Variants in KSR2 observed in about 807,000 individuals in gnomAD.
KSR2 encodes kinase suppressor of ras 2.
In KSR2, 25 loss-of-function variants were observed where a neutral mutation model predicts 107.8. The observed-to-expected ratio is 0.23, with a 90% CI of 0.17 to 0.32. KSR2 has a LOEUF of 0.32. Ranked by LOEUF, KSR2 falls within the 10% of genes least tolerant of loss-of-function variation. The probability of loss-of-function intolerance (pLI) is 1.00; values close to 1 mark genes in which losing one functional copy is unlikely to be tolerated. For synonymous variants in KSR2, 480 were observed against 507.0 expected (o/e 0.95, Z 0.71); for missense variants, 887 against 1,268.9 (o/e 0.70, Z 4.57).
At position 117,455,026 on chromosome 12, in the gene KSR2, C is replaced by CAGAGAGAG. The variant is rs776656913; in HGVS notation, c.*12172_*12173insCTCTCTCT. On this transcript the variant is annotated 3_prime_UTR_variant, in exon 20 of 20. Coordinates refer to ENST00000339824, the MANE Select transcript of KSR2 (RefSeq NM_173598.6). ...GCAGAGACAGAGACAGACACAGAGACAGACAGACAGAGAGAGAGAGAGAGA... is the reference window on the plus strand; with the variant it reads ...GCAGAGACAGAGACAGACACAGAGACAGAGAGAGAGACAGACAGAGAGAGAGAGAGAGA... The CAGAGAGAG allele has an allele frequency of 4.4e-5, 5 of 112,582 alleles. No individual in the cohort carries two copies. The highest frequency in any genetic ancestry group is 9.4e-5 in the Non-Finnish European group (5 of 53,170). The allele number at this position is 112,582 out of a possible 1,614,324, so 7.0% of individuals were successfully genotyped here. A position where few individuals can be genotyped will look rare whatever the true frequency, so the allele number is the denominator to read the frequency against.
At chr12:117,607,021 G>A (rs1264979243) in intron 5 of KSR2, among the ~76,000 whole-genome samples, 1 of 152,146 alleles carries the variant, frequency 6.6e-6, no homozygotes, top group African/African-American at 2.4e-5. Flanking sequence ...GGGGAGTTCT[G>A]TAGGTGATGG....
chr12:117,539,711 G>A lies in KSR2; in HGVS notation c.1687+8C>T. 6.3e-7 allele frequency: 1 copy of A among 1,597,018 alleles called. No individual in the cohort carries two copies. ...GCACCCCTCATGTCTCCCCAAGCATGGAGGTACCTGGCAGGTTGAAGTTCT... is the reference window on the plus strand; with the variant it reads ...GCACCCCTCATGTCTCCCCAAGCATAGAGGTACCTGGCAGGTTGAAGTTCT... On this transcript the variant is annotated splice_region_variant and intron_variant, in intron 10 of 19. Transcript: ENST00000339824.
At chr12:117,795,632 TTTTA>T (rs558383043) in intron 3 of KSR2, among the ~76,000 whole-genome samples, 7 of 152,088 alleles carry the variant, frequency 4.6e-5, no homozygotes, top group Admixed American at 4.6e-4. Flanking sequence ...AGCCTGTGGT[TTTTA>T]TTTATTTATT....
chr12:117,723,350 A>G (rs149718860), intron 4 of KSR2, among the ~76,000 whole-genome samples: 128 of 152,288 alleles, frequency 8.4e-4, no homozygotes, highest in Non-Finnish European at 1.5e-3. Flanking sequence ...TTTTTCAACC[A>G]ACCCATCACA....
At chr12:117,667,253 C>T (rs1004488017) in intron 5 of KSR2, among the ~76,000 whole-genome samples, 2 of 152,140 alleles carry the variant, frequency 1.3e-5, no homozygotes, top group East Asian at 1.9e-4. Context: ...ACCTCCCCAG[C>T]GTCAGTTATG....
chr12:117,852,070 T>G (rs1419186468), intron 3 of KSR2, among the ~76,000 whole-genome samples: 3 of 151,322 alleles, frequency 2.0e-5, no homozygotes, highest in African/African-American at 2.4e-5. Context: ...CCTATGTGTG[T>G]GGGGGGGGTC....
chr12:117,877,898 C>G (rs944471887), intron 1 of KSR2, among the ~76,000 whole-genome samples: 1 of 152,180 alleles, frequency 6.6e-6, no homozygotes, highest in African/African-American at 2.4e-5. Flanking sequence ...TCAACAAGGT[C>G]CCCAGATAGC....
chr12:117,486,413 G>A (rs1019418495), intron 14 of KSR2, among the ~76,000 whole-genome samples: 1 of 152,156 alleles, frequency 6.6e-6, no homozygotes, highest in African/African-American at 2.4e-5. Context: ...CACGCACAGA[G>A]CAGGCACCCA....
At position 117,796,537 on chromosome 12, in the gene KSR2, C is replaced by T. The variant is rs180826860; in HGVS notation, c.473-35013G>A. Among the ~76,000 whole-genome samples the T allele has an allele frequency of 1.6e-4, 24 of 152,316 alleles. No homozygotes were observed. The East Asian group carries it at 3.3e-3, about 21-fold the overall frequency. ...TGATATTTTACACCCAAAGGAATCT[C>T]ATCGTGTTGGGCGAAGACTGCGGAC... On this transcript the variant is annotated intron_variant, in intron 3 of 19. Transcript: ENST00000339824.
At chr12:117,874,478 C>T (rs1893764518) in intron 1 of KSR2, among the ~76,000 whole-genome samples, 1 of 152,176 alleles carries the variant, frequency 6.6e-6, no homozygotes. Context: ...AGCAATCCTC[C>T]TGCCTTGGTC....
chr12:117,633,508 G>C (rs375398957), intron 5 of KSR2, among the ~76,000 whole-genome samples: 127 of 152,304 alleles, frequency 8.3e-4, no homozygotes, highest in African/African-American at 2.8e-3. Context: ...CGGTTCTAGA[G>C]AAGTCTGAAA....
At chr12:117,956,537 C>A (rs918869471) in intron 1 of KSR2, among the ~76,000 whole-genome samples, 3 of 152,164 alleles carry the variant, frequency 2.0e-5, no homozygotes, top group Non-Finnish European at 4.4e-5. Context: ...CACCGCATCC[C>A]AGCCTGGGCG....
chr12:117,858,680 G>C, intron 2 of KSR2, among the ~76,000 whole-genome samples: 1 of 152,210 alleles, frequency 6.6e-6, no homozygotes, highest in East Asian at 1.9e-4. Context: ...CAGGCAACAG[G>C]AAAACAAGGC....
At chr12:117,509,090 C>CT (rs1391657355) in intron 14 of KSR2, among the ~76,000 whole-genome samples, 1 of 152,082 alleles carries the variant, frequency 6.6e-6, no homozygotes, top group Non-Finnish European at 1.5e-5. Context: ...TCATTCACTT[C>CT]TGAGGGTTCA....
chr12:117,625,964 T>C (rs1882488250), intron 5 of KSR2, among the ~76,000 whole-genome samples: 1 of 152,258 alleles, frequency 6.6e-6, no homozygotes, highest in Non-Finnish European at 1.5e-5. Context: ...TATCCATTTC[T>C]TCTAGATTTC....
intron 1 of KSR2, among the ~76,000 whole-genome samples, chr12:117,936,649 TGCTGGGATTAGAGGCATGAGCC>T (rs1895858297): frequency 6.6e-6 from 1 of 152,098 alleles, no homozygotes; most frequent in Non-Finnish European, 1.5e-5. Flanking sequence ...CCTCCCAAAA[TGCTGGGATTAGAGGCATGAGCC>T]GCTGTGCCTG....
chr12:117,643,659 G>A (rs1353013851), intron 5 of KSR2, among the ~76,000 whole-genome samples: 2 of 152,060 alleles, frequency 1.3e-5, no homozygotes, highest in East Asian at 1.9e-4. Context: ...TCATCACCAG[G>A]TCCTAACCCT....
intron 1 of KSR2, among the ~76,000 whole-genome samples, chr12:117,887,013 T>G (rs1175314015): frequency 1.3e-5 from 2 of 152,190 alleles, no homozygotes; most frequent in Non-Finnish European, 2.9e-5. Flanking sequence ...AGCCTCGACC[T>G]CCTGGGCTCA....
intron 3 of KSR2, among the ~76,000 whole-genome samples, chr12:117,762,971 T>C (rs1188315890): frequency 2.0e-5 from 3 of 152,132 alleles, no homozygotes; most frequent in Non-Finnish European, 4.4e-5. Context: ...ACATGTGCCA[T>C]GTTGGTGTGC....
Sources: allele counts gnomAD v4.1 joint callset (sites outside exome capture counted in the v4.1 genomes callset), GRCh38; gene constraint gnomAD v4.1.1; transcripts MANE v1.5; gene names NCBI Gene and HGNC (gene_info 2026-07-23, HGNC 2026-07-21).